LGR5: variants seen among roughly 807,000 people sequenced by gnomAD.
LGR5 encodes the protein leucine-rich repeat-containing G protein-coupled receptor 5.
Under a neutral mutation model 76.7 loss-of-function variants are expected in LGR5, and 54 were observed. The observed-to-expected ratio is 0.70, with a 90% CI of 0.57 to 0.88. The LOEUF is 0.88. LGR5 is among the 40% of genes least tolerant of loss of function. The pLI, the probability that LGR5 is intolerant of heterozygous loss-of-function variation, is 0.00. For synonymous variants in LGR5, 406 were observed against 421.9 expected (o/e 0.96, Z 0.46); for missense variants, 1,078 against 1,073.3 (o/e 1.00, Z -0.06).
intron 1 of LGR5, among the ~76,000 whole-genome samples, chr12:71,491,258 A>G (rs35274020): frequency 0.089 from 13,525 of 152,202 alleles, 643 homozygotes; most frequent in Non-Finnish European, 0.11. Flanking sequence ...AGACTTTAAG[A>G]CAGATTTTTT....
At chr12:71,511,181 G>A (rs182545308) in intron 2 of LGR5, among the ~76,000 whole-genome samples, 2 of 152,298 alleles carry the variant, frequency 1.3e-5, no homozygotes, top group Admixed American at 6.5e-5. Context: ...GTGTCTGGGC[G>A]AGAAACTCAT....
intron 1 of LGR5, among the ~76,000 whole-genome samples, chr12:71,498,896 G>A (rs1874460362): frequency 1.3e-5 from 2 of 152,192 alleles, no homozygotes; most frequent in South Asian, 4.1e-4. Context: ...TGATGGGAGT[G>A]GTCATTGATG....
intron 1 of LGR5, among the ~76,000 whole-genome samples, chr12:71,450,955 T>G (rs1872225445): frequency 6.6e-6 from 1 of 152,172 alleles, no homozygotes; most frequent in African/African-American, 2.4e-5. Context: ...AAGCCAACTT[T>G]TTTTACCTCA....
At chr12:71,509,000 C>A (rs1265853937) in intron 2 of LGR5, among the ~76,000 whole-genome samples, 1 of 151,938 alleles carries the variant, frequency 6.6e-6, no homozygotes, top group Non-Finnish European at 1.5e-5. Flanking sequence ...TATGCAGAGG[C>A]CAATTGTCCT....
intron 2 of LGR5, among the ~76,000 whole-genome samples, chr12:71,504,969 G>A (rs2137304792): frequency 6.6e-6 from 1 of 152,280 alleles, no homozygotes; most frequent in African/African-American, 2.4e-5. Flanking sequence ...TAAAAGAGCT[G>A]GATAGCTCTT....
chr12:71,518,858 G>A (rs1875580062), intron 2 of LGR5, among the ~76,000 whole-genome samples: 1 of 152,188 alleles, frequency 6.6e-6, no homozygotes, highest in East Asian at 1.9e-4. Context: ...GGAGGCAAAG[G>A]ATCCGGAAAA....
In LGR5 at chr12:71,584,270, G is replaced by A; in HGVS notation, c.2260G>A (p.Gly754Arg). The change falls in exon 18 of 18, where the codon GGA becomes AGA. Residue 754 changes from glycine to arginine, a missense_variant. Gly to Arg is a moderately radical substitution (Grantham distance 125). Coordinates refer to ENST00000266674, the MANE Select transcript of LGR5 (RefSeq NM_003667.4). ...CAAGCTCTACTGCAATTTGGACAAG[G>A]GAGACCTGGAGAATATTTGGGACTG... is the stretch of plus-strand genomic sequence containing the variant. The part of the protein sequence containing the change: ...YTKLYCNLDK[G>R]DLENIWDCSM... 6.2e-7 allele frequency: 1 copy of A among 1,614,156 alleles called. No individual in the cohort carries two copies. Among genetic ancestry groups the A allele is most frequent in the Non-Finnish European group, 8.5e-7 (1 of 1,180,014 alleles).
Position 71,532,940 on chromosome 12 carries a change from C to T in LGR5, c.357-2175C>T, listed in dbSNP as rs79186094. Among the ~76,000 whole-genome samples the T allele has an allele frequency of 2.9e-3, 442 of 152,216 alleles. 4 individuals carry two copies. Among genetic ancestry groups the T allele is most frequent in the African/African-American group, 0.01 (424 of 41,524 alleles). On this transcript the variant is annotated intron_variant, in intron 3 of 17. Transcript: ENST00000266674. The stretch of plus-strand genomic sequence containing the variant: ...GGTGTAGTAACTCACACCTGTAGAC[C>T]AGGCTACTCTAAAGGCTGAGGCGGG...
chr12:71,530,910 G>A (rs995041211), intron 3 of LGR5, among the ~76,000 whole-genome samples: 1 of 151,016 alleles, frequency 6.6e-6, no homozygotes, highest in South Asian at 2.1e-4. Context: ...TAAGAATTGA[G>A]CCATCAGTTG....
intron 13 of LGR5, among the ~76,000 whole-genome samples, chr12:71,573,526 TA>T (rs1194367128): frequency 6.9e-6 from 1 of 145,048 alleles, no homozygotes; most frequent in Non-Finnish European, 1.5e-5. Context: ...TGTTATATAT[TA>T]AATTTTTTTA....
At chr12:71,551,903 T>C (rs1224102429) in intron 4 of LGR5, among the ~76,000 whole-genome samples, 8 of 152,158 alleles carry the variant, frequency 5.3e-5, no homozygotes, top group Admixed American at 3.9e-4. Context: ...TTCATACAAA[T>C]GGTTAGGATA....
chr12:71,546,061 C>T (rs1180926134), intron 4 of LGR5, among the ~76,000 whole-genome samples: 1 of 152,090 alleles, frequency 6.6e-6, no homozygotes, highest in Non-Finnish European at 1.5e-5. Context: ...TGTTTGAGGC[C>T]TAGCACTTTG....
intron 2 of LGR5, among the ~76,000 whole-genome samples, chr12:71,510,719 A>T (rs1385421018): frequency 2.0e-5 from 3 of 151,874 alleles, no homozygotes; most frequent in Non-Finnish European, 2.9e-5. Flanking sequence ...GAATAACACA[A>T]ACATGGTATA....
At chr12:71,531,546 A>T (rs1209398144) in intron 3 of LGR5, among the ~76,000 whole-genome samples, 1 of 152,132 alleles carries the variant, frequency 6.6e-6, no homozygotes, top group African/African-American at 2.4e-5. Flanking sequence ...AATTTAAATC[A>T]TTAGGAGGTA....
chr12:71,542,746 C>T (rs186480496), intron 4 of LGR5, among the ~76,000 whole-genome samples: 62 of 151,910 alleles, frequency 4.1e-4, no homozygotes, highest in Non-Finnish European at 7.9e-4. Flanking sequence ...CACTGGGAGA[C>T]GGCTATACAT....
intron 1 of LGR5, among the ~76,000 whole-genome samples, chr12:71,442,729 C>A (rs1400271013): frequency 6.6e-6 from 1 of 152,170 alleles, no homozygotes; most frequent in African/African-American, 2.4e-5. Context: ...TTTCTTACAA[C>A]CAGAGGAACG....
At chr12:71,502,116 C>A (rs193183156) in intron 1 of LGR5, among the ~76,000 whole-genome samples, 1 of 150,420 alleles carries the variant, frequency 6.6e-6, no homozygotes, top group African/African-American at 2.5e-5. Flanking sequence ...AGGTCATTAT[C>A]TAAGAGGAAT....
At chr12:71,450,052 C>T (rs564921047) in intron 1 of LGR5, among the ~76,000 whole-genome samples, 32 of 152,138 alleles carry the variant, frequency 2.1e-4, no homozygotes, top group Non-Finnish European at 3.1e-4. Context: ...TTACCTAATC[C>T]AACGTCTTTA....
intron 1 of LGR5, among the ~76,000 whole-genome samples, chr12:71,494,770 A>G (rs1021508388): frequency 2.6e-5 from 4 of 151,178 alleles, no homozygotes; most frequent in Non-Finnish European, 5.9e-5. Flanking sequence ...TTCCTATTGA[A>G]TACCCAGTTT....
Sources: allele counts gnomAD v4.1 joint callset (sites outside exome capture counted in the v4.1 genomes callset), GRCh38; gene constraint gnomAD v4.1.1; transcripts MANE v1.5; gene names NCBI Gene and HGNC (gene_info 2026-07-23, HGNC 2026-07-21).